The following EPB41L4B variants were observed in gnomAD, a reference collection of about 807,000 sequenced individuals.
EPB41L4B encodes the protein erythrocyte membrane protein band 4.1 like 4B.
EPB41L4B carries 30 observed loss-of-function variants against 112.5 expected under a neutral mutation model. That is an observed-to-expected ratio of 0.27 (90% CI 0.20 to 0.36). The LOEUF (loss-of-function observed/expected upper bound fraction) is 0.36. EPB41L4B is among the 10% of genes least tolerant of loss of function. The pLI is 1.00. For synonymous variants in EPB41L4B, 408 were observed against 439.7 expected, an observed-to-expected ratio of 0.93 and a Z score of 0.90; for missense variants, 1,024 against 1,133.3, an observed-to-expected ratio of 0.90 and a Z score of 1.38.
At chr9:109,302,550 C>A (rs1837010005) in intron 1 of EPB41L4B, among the ~76,000 whole-genome samples, 1 of 152,104 alleles carries the variant, frequency 6.6e-6, no homozygotes, top group South Asian at 2.1e-4. Context: ...CAAACAGCTA[C>A]CTCCTTAGCC....
chr9:109,311,509 G>A (rs1432605800), intron 1 of EPB41L4B, among the ~76,000 whole-genome samples: 1 of 152,184 alleles, frequency 6.6e-6, no homozygotes, highest in Non-Finnish European at 1.5e-5. Flanking sequence ...TCCCACAGGT[G>A]GGACAGGACC....
intron 20 of EPB41L4B, among the ~76,000 whole-genome samples, chr9:109,198,857 C>T (rs1368746525): frequency 6.7e-6 from 1 of 148,814 alleles, no homozygotes; most frequent in East Asian, 2.0e-4. Context: ...TTGCAGTGAG[C>T]TAAGATTGTG....
chr9:109,225,014 G>A (rs1833710627), intron 15 of EPB41L4B, among the ~76,000 whole-genome samples: 2 of 152,340 alleles, frequency 1.3e-5, no homozygotes, highest in Non-Finnish European at 2.9e-5. Context: ...AAGGCAGCAA[G>A]TGCACTCATC....
At position 109,213,769 on chromosome 9, in the gene EPB41L4B, T is replaced by C. The variant is rs1220425361; in HGVS notation, c.1683A>G (p.Leu561=). 1.2e-6 allele frequency: 2 copies of C among 1,614,156 alleles called. No homozygotes were observed. Among genetic ancestry groups the C allele is most frequent in the East Asian group, 2.2e-5 (1 of 44,878 alleles). Residue 561 remains leucine, a synonymous_variant, in exon 17 of 26, where the codon CTA becomes CTG. Coordinates refer to ENST00000374566, the MANE Select transcript of EPB41L4B (RefSeq NM_019114.5). ...PALFSEAAAH[L]KKLELETVKA... is the part of the protein sequence containing the mutation. ...TCACAGTTTCCAGTTCCAGCTTCTT[T>C]AGATGGGCAGCGGCTTCACTGAACA...
At chr9:109,302,473 G>C (rs978106618) in intron 1 of EPB41L4B, among the ~76,000 whole-genome samples, 18 of 152,170 alleles carry the variant, frequency 1.2e-4, no homozygotes, top group African/African-American at 4.1e-4. Context: ...GTCACATTCT[G>C]AGGTACTGGG....
chr9:109,243,531 C>T, intron 15 of EPB41L4B, 87 bp downstream of exon 15: 1 of 1,297,520 alleles, frequency 7.7e-7, no homozygotes, highest in Admixed American at 1.8e-5. Context: ...CTGATGCAGA[C>T]TTTCTACTCC....
chr9:109,207,781 G>C (rs1237328586), intron 18 of EPB41L4B, 143 bp downstream of exon 18: 5 of 966,894 alleles, frequency 5.2e-6, no homozygotes, highest in Non-Finnish European at 7.7e-6. Flanking sequence ...TCACATATCA[G>C]GTATGGTTCA....
At chr9:109,316,782 C>A (rs1837651709) in intron 1 of EPB41L4B, among the ~76,000 whole-genome samples, 1 of 152,128 alleles carries the variant, frequency 6.6e-6, no homozygotes, top group African/African-American at 2.4e-5. Context: ...GACTGGAAAG[C>A]TGCTGACTAT....
intron 15 of EPB41L4B, among the ~76,000 whole-genome samples, chr9:109,236,127 T>C (rs146905664): frequency 2.6e-5 from 4 of 152,326 alleles, no homozygotes; most frequent in Non-Finnish European, 4.4e-5. Context: ...TGGGCTCCAG[T>C]CTTAGCCCAG....
intron 16 of EPB41L4B, among the ~76,000 whole-genome samples, chr9:109,215,856 G>A (rs1387401222): frequency 6.6e-6 from 1 of 152,130 alleles, no homozygotes; most frequent in African/African-American, 2.4e-5. Context: ...TGGGTATGGT[G>A]GCTCATGCCT....
At chr9:109,272,184 T>C (rs1275203623) in intron 2 of EPB41L4B, among the ~76,000 whole-genome samples, 2 of 152,166 alleles carry the variant, frequency 1.3e-5, no homozygotes, top group South Asian at 2.1e-4. Flanking sequence ...GAGTCAGGCA[T>C]GGTGGCTCAC....
At chr9:109,267,380 A>AG in intron 4 of EPB41L4B, 93 bp downstream of exon 4, 1 of 743,640 alleles carries the variant, frequency 1.3e-6, no homozygotes, top group South Asian at 1.8e-5. Context: ...GACAGCAGAC[A>AG]GAAGAAGAGG....
chr9:109,196,319 T>C (rs2118714516), intron 20 of EPB41L4B: 1 of 152,294 alleles, frequency 6.6e-6, no homozygotes, highest in African/African-American at 2.4e-5. Flanking sequence ...CTATTGAATT[T>C]TTTTTAGACT....
At chr9:109,291,402 C>T (rs1049074892) in intron 1 of EPB41L4B, among the ~76,000 whole-genome samples, 6 of 152,126 alleles carry the variant, frequency 3.9e-5, no homozygotes, top group Non-Finnish European at 5.9e-5. Context: ...ACAGATCTCA[C>T]GGTGGGGAGG....
At chr9:109,188,708 C>T (rs1832352976) in intron 22 of EPB41L4B, among the ~76,000 whole-genome samples, 1 of 152,174 alleles carries the variant, frequency 6.6e-6, no homozygotes, top group South Asian at 2.1e-4. Context: ...AGGGCCTGTT[C>T]CAATGCCCTA....
chr9:109,313,125 T>C (rs1019845132), intron 1 of EPB41L4B, among the ~76,000 whole-genome samples: 1 of 152,094 alleles, frequency 6.6e-6, no homozygotes, highest in African/African-American at 2.4e-5. Flanking sequence ...ACACTTCAGT[T>C]GCTCACCCCC....
At chr9:109,315,356 C>T (rs539638755) in intron 1 of EPB41L4B, among the ~76,000 whole-genome samples, 3 of 152,102 alleles carry the variant, frequency 2.0e-5, no homozygotes, top group African/African-American at 4.8e-5. Context: ...AAGAAATTCT[C>T]GGGGTGTGCT....
intron 24 of EPB41L4B, among the ~76,000 whole-genome samples, chr9:109,178,902 T>TAAA (rs10625718): frequency 0.019 from 2,024 of 105,110 alleles, 78 homozygotes; most frequent in Middle Eastern, 0.053. Flanking sequence ...ATACTTCAAG[T>TAAA]AAAAAAAAAA....
chr9:109,256,248 C>A (rs892689661), intron 8 of EPB41L4B, 24 bp from the exon 9 acceptor site: 5 of 1,608,772 alleles, frequency 3.1e-6, no homozygotes, highest in Non-Finnish European at 4.3e-6. Context: ...AAGTGACAAT[C>A]GGTAGAGGGT....
Sources: gnomAD v4.1 joint callset for allele counts (sites outside exome capture counted in the v4.1 genomes callset) on GRCh38, gnomAD v4.1.1 for gene constraint, MANE v1.5 for transcripts, NCBI Gene and HGNC (gene_info 2026-07-23, HGNC 2026-07-21) for gene names.